The following OSBP2 variants were observed in gnomAD, a reference collection of about 807,000 sequenced individuals.
OSBP2 encodes oxysterol-binding protein 2.
A neutral mutation model predicts 96.0 loss-of-function variants in OSBP2; 66 were observed. The ratio of observed to expected loss-of-function variants is 0.69; its 90% CI spans 0.56 to 0.84. OSBP2 has a LOEUF of 0.84. Among genes scored for constraint, OSBP2 ranks in the 40% least tolerant of loss-of-function variants. The pLI is 0.00. For missense variants in OSBP2, 1,038 were observed against 1,222.7 expected (o/e 0.85, Z 2.25); for synonymous variants, 525 against 520.9 (o/e 1.01, Z -0.11).
In OSBP2 at chr22:30,870,565, C is replaced by T. The variant is rs61729255; in HGVS notation, c.990C>T (p.Leu330=). 1,634 of 1,614,044 alleles carry T rather than the reference C, an allele frequency of 1.0e-3. 21 individuals are homozygous for T. The African/African-American group carries it at 0.018, about 18-fold the overall frequency. Reference sequence around the variant, plus strand: ...TCATCGCCAAGCACGGCGCTGCACTCCAGCGCTCCCTGACAGAGCTGGACG... The same window carrying T: ...TCATCGCCAAGCACGGCGCTGCACTTCAGCGCTCCCTGACAGAGCTGGACG... The part of the protein sequence containing the change: ...NDLIAKHGAA[L]QRSLTELDGL... The change falls in exon 3 of 14, where the codon CTC becomes CTT. Residue 330 remains leucine (L), a synonymous_variant. Transcript: ENST00000332585. The surrounding 1 kb of genome is among the most constrained non-coding windows in gnomAD (Gnocchi z 4.1).
At chr22:30,737,235 C>T (rs1012901259) in intron 1 of OSBP2, among the ~76,000 whole-genome samples, 2 of 151,434 alleles carry the variant, frequency 1.3e-5, no homozygotes, top group Non-Finnish European at 2.9e-5. Flanking sequence ...AGGCTGGTCT[C>T]GAACTCCTGA....
chr22:30,694,265 G>A (rs1249631907), upstream of OSBP2: 4 of 1,549,726 alleles, frequency 2.6e-6, no homozygotes, highest in African/African-American at 4.1e-5. Flanking sequence ...CCGTAGGCCA[G>A]CTGGCTCAGG....
intron 2 of OSBP2, among the ~76,000 whole-genome samples, chr22:30,751,287 G>T (rs993991129): frequency 1.3e-5 from 2 of 151,868 alleles, no homozygotes; most frequent in African/African-American, 2.4e-5. Context: ...CTCATATTTG[G>T]CTCAGAATAA....
At chr22:30,774,814 T>A (rs2090407791) in intron 2 of OSBP2, among the ~76,000 whole-genome samples, 1 of 152,242 alleles carries the variant, frequency 6.6e-6, no homozygotes, top group Admixed American at 6.5e-5. Flanking sequence ...AATTTTATTA[T>A]GTATACTTAG....
At chr22:30,836,525 A>G (rs962168898) in intron 2 of OSBP2, among the ~76,000 whole-genome samples, 4 of 152,224 alleles carry the variant, frequency 2.6e-5, no homozygotes, top group Non-Finnish European at 5.9e-5. Flanking sequence ...GGCAAAAGGA[A>G]GACACATTTT....
chr22:30,701,042 C>G (rs55722504), intron 1 of OSBP2, among the ~76,000 whole-genome samples: 1 of 151,860 alleles, frequency 6.6e-6, no homozygotes, highest in African/African-American at 2.4e-5. Context: ...TTGCAGTGAG[C>G]CGAGATTGTG....
chr22:30,693,794 C>T (rs1050132453), upstream of OSBP2: 5 of 384,592 alleles, frequency 1.3e-5, no homozygotes, highest in African/African-American at 2.1e-5. Context: ...TGGTGAAACC[C>T]CGTTTCTACT....
intron 1 of OSBP2, among the ~76,000 whole-genome samples, chr22:30,740,086 C>T (rs1397921828): frequency 1.3e-5 from 2 of 152,180 alleles, no homozygotes; most frequent in Admixed American, 6.5e-5. Flanking sequence ...CTCGGGTGAT[C>T]TGCCCATCTC....
chr22:30,824,644 G>T (rs954429638), intron 2 of OSBP2, among the ~76,000 whole-genome samples: 14 of 152,188 alleles, frequency 9.2e-5, no homozygotes, highest in African/African-American at 3.1e-4. Context: ...TGCAAACAGG[G>T]TGAGACTGGC....
At chr22:30,845,560 A>C (rs2038850381) in intron 2 of OSBP2, among the ~76,000 whole-genome samples, 1 of 150,988 alleles carries the variant, frequency 6.6e-6, no homozygotes, top group Non-Finnish European at 1.5e-5. Context: ...GTTGCTACTG[A>C]CCTTCAATTT....
At chr22:30,842,289 C>G (rs2038769283) in intron 2 of OSBP2, among the ~76,000 whole-genome samples, 1 of 152,056 alleles carries the variant, frequency 6.6e-6, no homozygotes, top group East Asian at 1.9e-4. Flanking sequence ...CAGAGCAAGG[C>G]CCTGTCTCAA....
intron 2 of OSBP2, among the ~76,000 whole-genome samples, chr22:30,819,138 C>G (rs1464888919): frequency 6.6e-6 from 1 of 152,184 alleles, no homozygotes; most frequent in Non-Finnish European, 1.5e-5. Context: ...AGTTCAAGAC[C>G]AGCCTGGTCA....
At chr22:30,863,898 G>A (rs1047080149) in intron 2 of OSBP2, among the ~76,000 whole-genome samples, 10 of 152,140 alleles carry the variant, frequency 6.6e-5, no homozygotes, top group Non-Finnish European at 1.5e-4. Flanking sequence ...TCAGGGCCCT[G>A]CCTGGTCTGT....
chr22:30,858,134 TG>T (rs59588689), intron 2 of OSBP2, among the ~76,000 whole-genome samples: 4,658 of 99,340 alleles, frequency 0.047, 477 homozygotes, highest in African/African-American at 0.17. Context: ...TTTTTTTGTT[TG>T]TTTGTTTGTT....
intron 2 of OSBP2, among the ~76,000 whole-genome samples, chr22:30,835,881 C>T (rs1187598401): frequency 6.6e-6 from 1 of 151,968 alleles, no homozygotes; most frequent in Non-Finnish European, 1.5e-5. Flanking sequence ...CCACACCTGG[C>T]TAAATTTTTT....
chr22:30,893,969 A>G lies in OSBP2; in HGVS notation c.2343A>G (p.Ser781=). ...AGAAGACAGTGTACCAGACCCTGTC[A>G]GCCAAGCTGCTGTGGAAGAAGTACC... ...GKQKTVYQTL[S]AKLLWKKYPL... The change falls in exon 12 of 14, where the codon TCA becomes TCG. Residue 781 remains serine (S), a synonymous_variant. Coordinates refer to ENST00000332585, the MANE Select transcript of OSBP2 (RefSeq NM_030758.4). 6.3e-7 allele frequency: 1 copy of G among 1,599,708 alleles called. No individual in the cohort carries two copies.
At chr22:30,897,622 A>G (rs2040093473) in intron 12 of OSBP2, among the ~76,000 whole-genome samples, 1 of 152,212 alleles carries the variant, frequency 6.6e-6, no homozygotes, top group Non-Finnish European at 1.5e-5. Flanking sequence ...AAAAAATGCA[A>G]AATATGTAGA....
chr22:30,874,431 A>G (rs1450840070), intron 3 of OSBP2, among the ~76,000 whole-genome samples: 3 of 152,180 alleles, frequency 2.0e-5, no homozygotes, highest in African/African-American at 2.4e-5. Context: ...AAAAAAGAAA[A>G]AAAGAAAAGT....
At chr22:30,894,060 A>G in intron 12 of OSBP2, 59 bp downstream of exon 12, 1 of 1,460,524 alleles carries the variant, frequency 6.8e-7, no homozygotes, top group Non-Finnish European at 9.3e-7. Flanking sequence ...AGGACAGTGG[A>G]CAGAAAGCAA....
Sources: gnomAD v4.1 joint callset for allele counts (sites outside exome capture counted in the v4.1 genomes callset) on GRCh38, gnomAD v4.1.1 for gene constraint, Gnocchi (gnomAD v3.1) non-coding constraint, MANE v1.5 for transcripts, NCBI Gene and HGNC (gene_info 2026-07-23, HGNC 2026-07-21) for gene names.